The following CRB2 variants were observed in gnomAD, a reference collection of about 807,000 sequenced individuals.
CRB2 encodes protein crumbs homolog 2.
CRB2 carries 85 observed loss-of-function variants against 110.9 expected under a neutral mutation model. The ratio of observed to expected loss-of-function variants is 0.77; its 90% confidence interval spans 0.64 to 0.92. CRB2 has a LOEUF of 0.92. CRB2 is among the 40% of genes least tolerant of loss of function. The pLI is 0.00. For missense variants in CRB2, 1,843 were observed against 1,851.3 expected, an observed-to-expected ratio of 1.00 and a Z score of 0.08; for synonymous variants, 907 against 831.0, an observed-to-expected ratio of 1.09 and a Z score of -1.57.
In CRB2 at chr9:123,367,153, C is replaced by G. The variant is rs370972340; in HGVS notation, c.755-19C>G. On this transcript the variant is annotated intron_variant, in intron 4 of 12. Transcript: ENST00000373631. ...CGGCAACCCCGTGAGACCTGATGTC[C>G]GCGTGTGTGTGCCCCCAGGCTACAG... The G allele has an allele frequency of 6.4e-7, 1 of 1,564,184 alleles. No individual in the cohort carries two copies. The highest frequency in any genetic ancestry group is 8.6e-7 in the Non-Finnish European group (1 of 1,162,254).
In CRB2 at chr9:123,365,943, G is replaced by A; in HGVS notation, c.445G>A (p.Glu149Lys). ...AGVTCEMEVD[E>K]CASAPCLHGG... ...CGTGACCTGCGAGATGGAGGTGGAC[G>A]AGTGCGCCTCAGCGCCCTGCCTGCA... The change falls in exon 3 of 13, where the codon GAG (glutamate) becomes AAG (lysine). Residue 149 changes from glutamate to lysine, a missense_variant. Physicochemically the swap from Glu to Lys is moderately conservative, Grantham distance 56. Coordinates refer to ENST00000373631, the MANE Select transcript of CRB2 (RefSeq NM_173689.7). 6.3e-7 allele frequency: 1 copy of A among 1,596,498 alleles called. No homozygotes were observed. The highest frequency in any genetic ancestry group is 1.1e-5 in the South Asian group (1 of 90,820).
chr9:123,373,551 C>T lies in CRB2; in HGVS notation c.3020C>T (p.Ala1007Val). Reference protein sequence around the residue: ...QGPGAVRILLAENFTGCLGRV... With the variant: ...QGPGAVRILLVENFTGCLGRV... Reference sequence around the variant, plus strand: ...CCGGGTGCTGTGCGCATCCTGCTGGCTGAGAACTTCACCGGCTGCTTGGGC... The same window carrying T: ...CCGGGTGCTGTGCGCATCCTGCTGGTTGAGAACTTCACCGGCTGCTTGGGC... The change falls in exon 10 of 13, where the codon GCT (alanine) becomes GTT (valine). Residue 1007 changes from alanine to valine, a missense_variant. Ala to Val is a moderately conservative substitution (Grantham distance 64). Coordinates refer to ENST00000373631, the MANE Select transcript of CRB2 (RefSeq NM_173689.7). The T allele has an allele frequency of 6.7e-7, 1 of 1,486,870 alleles. No individual in the cohort carries two copies. Among genetic ancestry groups the T allele is most frequent in the Non-Finnish European group, 8.9e-7 (1 of 1,123,152 alleles). The allele number at this position is 1,486,870 out of a possible 1,614,324, so 92.1% of individuals were successfully genotyped here.
Position 123,373,756 on chromosome 9 carries a change from C to A in CRB2, c.3225C>A (p.Phe1075Leu). Reference sequence around the variant, plus strand: ...ACGACGGTGCCTGCCGTGACCTCTTCGACGCCTTTGCCTGCGCCTGCGGCC... The same window carrying A: ...ACGACGGTGCCTGCCGTGACCTCTTAGACGCCTTTGCCTGCGCCTGCGGCC... ...CLHDGACRDLFDAFACACGPG... is the reference protein window; with the variant it reads ...CLHDGACRDLLDAFACACGPG... The change falls in exon 10 of 13, where the codon TTC becomes TTA. Residue 1075 changes from phenylalanine to leucine, a missense_variant. Transcript: ENST00000373631. The A allele has an allele frequency of 1.3e-6, 2 of 1,590,062 alleles. No homozygotes were observed. The highest frequency in any genetic ancestry group is 2.3e-5 in the East Asian group (1 of 43,964).
rs116294669 is a variant in CRB2, at chr9:123,367,863, T to C, written c.1054+177T>C. Among the ~76,000 whole-genome samples the C allele has an allele frequency of 0.031, 4,680 of 151,982 alleles. 158 individuals are homozygous for C. The highest frequency in any genetic ancestry group is 0.083 in the African/African-American group (3,459 of 41,436). ...CTGGGACTCGCTTTGGAGGTGAGAC[T>C]GGGGCTCAGGAGTGTAGTCCTGGCA... is the stretch of plus-strand genomic sequence containing the variant. On this transcript the variant is annotated intron_variant, in intron 6 of 12. Coordinates refer to ENST00000373631, the MANE Select transcript of CRB2 (RefSeq NM_173689.7).
intron 1 of CRB2, among the ~76,000 whole-genome samples, chr9:123,359,444 T>TTTTG (rs2041839154): frequency 8.3e-6 from 1 of 120,174 alleles, no homozygotes; most frequent in Admixed American, 9.2e-5. Flanking sequence ...TTGTTTTGTT[T>TTTTG]TTTTTTTTTT....
chr9:123,364,475 C>T (rs2132750634), intron 2 of CRB2, among the ~76,000 whole-genome samples: 1 of 152,190 alleles, frequency 6.6e-6, no homozygotes, highest in South Asian at 2.1e-4. Context: ...GACTCATTCT[C>T]TCCTCTTTCC....
downstream of CRB2, chr9:123,378,813 T>TC (rs879029741): frequency 2.9e-5 from 2 of 69,174 alleles, 1 homozygote; most frequent in South Asian, 1.5e-3. Flanking sequence ...TTGTTTTTTT[T>TC]TTTTTTTTTT....
chr9:123,372,308 T>G lies in CRB2; in HGVS notation c.2568T>G (p.Pro856=). 1 of 1,608,998 alleles carries G rather than the reference T, an allele frequency of 6.2e-7. No individual in the cohort carries two copies. The highest frequency in any genetic ancestry group is 8.5e-7 in the Non-Finnish European group (1 of 1,177,342). Residue 856 remains proline (P), a synonymous_variant, in exon 9 of 13, where the codon CCT becomes CCG. Coordinates refer to ENST00000373631, the MANE Select transcript of CRB2 (RefSeq NM_173689.7). The stretch of plus-strand genomic sequence containing the variant: ...GTCCCGGCCAGCCCTGTCTCCCACC[T>G]GCCACGTGTGAGGAGGTCCCTGATG... ...LWCPGQPCLP[P]ATCEEVPDGF... is the part of the protein sequence containing the mutation.
At chr9:123,359,396 C>T (rs1296721502) in intron 1 of CRB2, among the ~76,000 whole-genome samples, 1 of 145,690 alleles carries the variant, frequency 6.9e-6, no homozygotes, top group African/African-American at 2.6e-5. Context: ...GAAGCTTCCC[C>T]AGTAAATGCT....
At chr9:123,380,134 GTGTC>G (rs1292622147), downstream of CRB2, 1 of 152,228 alleles carries the variant, frequency 6.6e-6, no homozygotes, top group African/African-American at 2.4e-5. Context: ...TGGGTAGACT[GTGTC>G]TGACCCTTCA....
At position 123,356,334 on chromosome 9, in the gene CRB2, C is replaced by T. The variant is rs1044703884; in HGVS notation, c.74C>T (p.Pro25Leu). The T allele has an allele frequency of 6.5e-7, 1 of 1,547,444 alleles. No homozygotes were observed. Among genetic ancestry groups the T allele is most frequent in the African/African-American group, 1.4e-5 (1 of 72,944 alleles). ...GTCCTGCTACTGCTGCTCTGGGCCC[C>T]TGCCCTTTCCCTCCTGGCTGGTGAG... The part of the protein sequence containing the change: ...ASVLLLLLWA[P>L]ALSLLAGTVP... The change falls in exon 1 of 13, where the codon CCT (proline) becomes CTT (leucine). Residue 25 changes from proline to leucine, a missense_variant. Coordinates refer to ENST00000373631, the MANE Select transcript of CRB2 (RefSeq NM_173689.7).
At chr9:123,360,436 C>T (rs62579937) in intron 1 of CRB2, among the ~76,000 whole-genome samples, 26,811 of 152,138 alleles carry the variant, frequency 0.18, 2,883 homozygotes, top group Non-Finnish European at 0.24. Context: ...AGCCCCTCCT[C>T]CGCCCTGCTG....
intron 1 of CRB2, among the ~76,000 whole-genome samples, chr9:123,357,888 A>G (rs1588201386): frequency 6.6e-6 from 1 of 152,254 alleles, no homozygotes; most frequent in East Asian, 1.9e-4. Flanking sequence ...ACATGTGGAC[A>G]TGTGTGCATT....
rs2042076704 is a variant in CRB2, at chr9:123,374,679, G to A, written c.3490G>A (p.Gly1164Ser). Residue 1164 changes from glycine (G) to serine (S), a missense_variant, in exon 11 of 13, where the codon GGT (glycine) becomes AGT (serine). Coordinates refer to ENST00000373631, the MANE Select transcript of CRB2 (RefSeq NM_173689.7). ...CGCTGCCAACTGCAGCTGCCTGGAGGGTCTTGCTGGCCAGAGGTGGGTCTG... is the reference window on the plus strand; with the variant it reads ...CGCTGCCAACTGCAGCTGCCTGGAGAGTCTTGCTGGCCAGAGGTGGGTCTG... The part of the protein sequence containing the change: ...SPAANCSCLE[G>S]LAGQRCQVPT... 6.2e-7 allele frequency: 1 copy of A among 1,610,472 alleles called. No homozygotes were observed. Among genetic ancestry groups the A allele is most frequent in the Middle Eastern group, 1.6e-4 (1 of 6,062 alleles).
At position 123,370,050 on chromosome 9, in the gene CRB2, T is replaced by C. The variant is rs7034379; in HGVS notation, c.1055-58T>C. The C allele has an allele frequency of 0.28, 431,053 of 1,528,020 alleles. 63,178 individuals are homozygous for C. Among genetic ancestry groups the C allele is most frequent in the Non-Finnish European group, 0.3 (342,859 of 1,136,046 alleles). The allele number at this position is 1,528,020 out of a possible 1,614,324, so 94.7% of individuals were successfully genotyped here. Reference sequence around the variant, plus strand: ...TCATAAGAGGCATGTAAGTTCTGGGTCAGTACTGTGATTCTGGCCCCAGAC... The same window carrying C: ...TCATAAGAGGCATGTAAGTTCTGGGCCAGTACTGTGATTCTGGCCCCAGAC... On this transcript the variant is annotated intron_variant, in intron 6 of 12. Transcript: ENST00000373631.
rs750162087 is a variant in CRB2 at position 123,370,867 on chromosome 9, G to A, written c.1814G>A (p.Arg605His). Residue 605 changes from arginine (R) to histidine (H), a missense_variant, in exon 7 of 13, where the codon CGC becomes CAC. Coordinates refer to ENST00000373631, the MANE Select transcript of CRB2 (RefSeq NM_173689.7). ...GAGAACGTCCTCCTGGGCTGTGAGC[G>A]CCGAGAGCAGTGCCGGCCTCTGCCT... ...LGENVLLGCE[R>H]REQCRPLPCV... 38 of 1,610,524 alleles carry A rather than the reference G, an allele frequency of 2.4e-5. No individual in the cohort carries two copies. The highest frequency in any genetic ancestry group is 2.2e-4 in the East Asian group (10 of 44,878).
rs756959702 is a variant in CRB2, at chr9:123,370,335, C to T, written c.1282C>T (p.Pro428Ser). 6.2e-7 allele frequency: 1 copy of T among 1,613,858 alleles called. No homozygotes were observed. The highest frequency in any genetic ancestry group is 8.5e-7 in the Non-Finnish European group (1 of 1,180,042). Reference sequence around the variant, plus strand: ...CCACAGTTACGTCTGCCACTGCCCACCTGGTACCCATGGACCGTTCTGTGG... The same window carrying T: ...CCACAGTTACGTCTGCCACTGCCCATCTGGTACCCATGGACCGTTCTGTGG... ...GVHSYVCHCP[P>S]GTHGPFCGQN... is the part of the protein sequence containing the mutation. Residue 428 changes from proline (P) to serine (S), a missense_variant, in exon 7 of 13, where the codon CCT (proline) becomes TCT (serine). Transcript: ENST00000373631.
chr9:123,380,209 T>G (rs1264279838), downstream of CRB2: 2 of 152,426 alleles, frequency 1.3e-5, no homozygotes, highest in Non-Finnish European at 2.9e-5. Flanking sequence ...CTCAGATGGT[T>G]GTTTTCTTAA....
chr9:123,365,683 A>G (rs373175593), intron 2 of CRB2, among the ~76,000 whole-genome samples: 114 of 151,718 alleles, frequency 7.5e-4, no homozygotes, highest in African/African-American at 2.6e-3. Flanking sequence ...ATCACCCCCC[A>G]CCATGTCCTG....
Sources: allele counts gnomAD v4.1 joint callset (sites outside exome capture counted in the v4.1 genomes callset), GRCh38; gene constraint gnomAD v4.1.1; transcripts MANE v1.5; gene names NCBI Gene and HGNC (gene_info 2026-07-23, HGNC 2026-07-21).